The following CCDC141 variants were observed in gnomAD, a reference collection of about 807,000 sequenced individuals.
CCDC141 encodes the protein coiled-coil domain-containing protein 141.
A neutral mutation model predicts 181.0 loss-of-function variants in CCDC141; 168 were observed. The observed-to-expected ratio is 0.93, with a 90% CI of 0.82 to 1.05. The LOEUF is 1.05. Ranked by LOEUF, CCDC141 falls within the 50% of genes least tolerant of loss-of-function variation. The probability of loss-of-function intolerance (pLI) is 0.00; values close to 1 mark genes in which losing one functional copy is unlikely to be tolerated. For synonymous variants in CCDC141, 666 were observed against 642.3 expected (o/e 1.04, Z -0.56); for missense variants, 1,902 against 1,788.5 (o/e 1.06, Z -1.14).
At chr2:178,925,499 G>T (rs1688874445) in intron 6 of CCDC141, among the ~76,000 whole-genome samples, 2 of 152,190 alleles carry the variant, frequency 1.3e-5, no homozygotes, top group East Asian at 3.8e-4. Context: ...TCAAAATAGT[G>T]ATTGGAGCAC....
chr2:178,889,227 A>G (rs6755035), intron 8 of CCDC141, among the ~76,000 whole-genome samples: 1 of 151,984 alleles, frequency 6.6e-6, no homozygotes, highest in Admixed American at 6.6e-5. Flanking sequence ...AAAAGAAGCC[A>G]TGCCTCACAT....
rs138277953 is a variant in CCDC141 at position 178,995,190 on chromosome 2, T to G, written c.226-16515A>C. Among the ~76,000 whole-genome samples the G allele has an allele frequency of 3.3e-3, 497 of 152,304 alleles. 3 individuals are homozygous for G. Among genetic ancestry groups the G allele is most frequent in the Non-Finnish European group, 5.0e-3 (340 of 68,028 alleles). On this transcript the variant is annotated intron_variant, in intron 2 of 23. Coordinates refer to ENST00000443758, the MANE Select transcript of CCDC141 (RefSeq NM_173648.4). ...TTCATGCTGCTGATTAAGACATAAC[T>G]GAGACAGGGAAATTTAAAAGAGATT...
rs1381395678 is a variant in CCDC141, at chr2:178,837,537, C to T, written c.3682G>A (p.Ala1228Thr). Residue 1228 changes from alanine to threonine, a missense_variant, in exon 23 of 24, where the codon GCA becomes ACA. Transcript: ENST00000443758. ...TCTTCCACCTCCATGTCAGATGGTG[C>T]AAGAGGGGACTCAGGGCTTCCTGGG... ...PLPGSPESPL[A>T]PSDMEVEEPV... is the part of the protein sequence containing the mutation. 1 of 1,613,738 alleles carries T rather than the reference C, an allele frequency of 6.2e-7. No homozygotes were observed. Among genetic ancestry groups the T allele is most frequent in the Non-Finnish European group, 8.5e-7 (1 of 1,179,912 alleles).
intron 2 of CCDC141, among the ~76,000 whole-genome samples, chr2:179,028,360 T>C (rs922141373): frequency 1.3e-5 from 2 of 152,238 alleles, no homozygotes; most frequent in Non-Finnish European, 2.9e-5. Context: ...ATCTCTCCCA[T>C]ACTAACAAAA....
chr2:178,867,998 C>A, intron 16 of CCDC141, 28 bp downstream of exon 16: 1 of 1,568,684 alleles, frequency 6.4e-7, no homozygotes, highest in Non-Finnish European at 8.7e-7. Flanking sequence ...AGAACTGAGT[C>A]TAAATGATAG....
chr2:178,825,051 T>C (rs1276136859), downstream of CCDC141, among the ~76,000 whole-genome samples: 1 of 152,176 alleles, frequency 6.6e-6, no homozygotes, highest in Non-Finnish European at 1.5e-5. Context: ...TTAATGTAAA[T>C]GAAGAAAATA....
At chr2:178,984,307 T>C (rs1265894535) in intron 2 of CCDC141, among the ~76,000 whole-genome samples, 1 of 150,606 alleles carries the variant, frequency 6.6e-6, no homozygotes, top group Non-Finnish European at 1.5e-5. Flanking sequence ...AAAGAGCTCC[T>C]GAAGGAAGCA....
At chr2:179,002,945 ATAG>A (rs1242308091) in intron 2 of CCDC141, among the ~76,000 whole-genome samples, 1 of 152,194 alleles carries the variant, frequency 6.6e-6, no homozygotes, top group African/African-American at 2.4e-5. Context: ...TGAACTCAAA[ATAG>A]TTATAAAAGC....
At chr2:178,915,483 A>G (rs1688405198) in intron 7 of CCDC141, among the ~76,000 whole-genome samples, 1 of 152,252 alleles carries the variant, frequency 6.6e-6, no homozygotes, top group Non-Finnish European at 1.5e-5. Flanking sequence ...TTAGTATTTG[A>G]CATAGAAATT....
intron 21 of CCDC141, among the ~76,000 whole-genome samples, chr2:178,849,473 A>G (rs1474348870): frequency 6.6e-6 from 1 of 152,214 alleles, no homozygotes; most frequent in African/African-American, 2.4e-5. Flanking sequence ...GCATTAATCA[A>G]ACCAGTTTTT....
the CCDC141 span, among the ~76,000 whole-genome samples, chr2:178,824,452 A>G: frequency 6.6e-6 from 1 of 151,986 alleles, no homozygotes; most frequent in Non-Finnish European, 1.5e-5. Context: ...GAGAAACACC[A>G]TCTCTATTAA....
Position 178,869,043 on chromosome 2 carries a change from T to A in CCDC141, c.2394+74A>T. The A allele has an allele frequency of 2.6e-6, 3 of 1,137,524 alleles. No homozygotes were observed. In the South Asian group the frequency reaches 7.3e-5, roughly 28 times the overall value. The allele number at this position is 1,137,524 out of a possible 1,614,324, so 70.5% of individuals were successfully genotyped here. On this transcript the variant is annotated intron_variant, in intron 15 of 23. Coordinates refer to ENST00000443758, the MANE Select transcript of CCDC141 (RefSeq NM_173648.4). The stretch of plus-strand genomic sequence containing the variant: ...TAGAAGACACAATTTGGCCTTTATT[T>A]ATTATATAATAATTCATTTTTAATT...
intron 22 of CCDC141, among the ~76,000 whole-genome samples, chr2:178,841,483 T>G (rs1386327449): frequency 6.6e-6 from 1 of 152,222 alleles, no homozygotes; most frequent in Admixed American, 6.5e-5. Context: ...CACTACTGCT[T>G]TTATTCTTAA....
chr2:178,816,438 C>T, the CCDC141 span, among the ~76,000 whole-genome samples: 1 of 152,144 alleles, frequency 6.6e-6, no homozygotes, highest in Non-Finnish European at 1.5e-5. Context: ...TATCCATTCA[C>T]CTATTAAAGG....
chr2:178,904,611 G>A (rs543160433), intron 8 of CCDC141, among the ~76,000 whole-genome samples: 1 of 152,266 alleles, frequency 6.6e-6, no homozygotes, highest in East Asian at 1.9e-4. Context: ...TGTGAAAAAT[G>A]TAAGCCCTGC....
chr2:179,032,647 C>T (rs1182343906), intron 2 of CCDC141, among the ~76,000 whole-genome samples: 4 of 152,152 alleles, frequency 2.6e-5, no homozygotes, highest in East Asian at 1.9e-4. Flanking sequence ...ATCTATCTGC[C>T]GGCATTAACT....
At chr2:178,815,610 C>A in the CCDC141 span, among the ~76,000 whole-genome samples, 5 of 152,098 alleles carry the variant, frequency 3.3e-5, no homozygotes, top group Admixed American at 2.0e-4. Flanking sequence ...ACCCCCTAAC[C>A]CCCAGCGGAT....
Position 178,903,613 on chromosome 2 carries a change from G to C in CCDC141, c.1265+1716C>G, listed in dbSNP as rs189111442. Among the ~76,000 whole-genome samples, 430 of 107,356 alleles carry C rather than the reference G, an allele frequency of 4.0e-3. 7 individuals are homozygous for C. The highest frequency in any genetic ancestry group is 0.014 in the African/African-American group (398 of 28,078). The allele number at this position is 107,356 out of a possible 152,430, so 70.4% of individuals were successfully genotyped here. ...ACACTCTGGGGACTGTTGTGGGGTG[G>C]GGGGAGGGGGGAGGGATAGCTTTAG... is the stretch of plus-strand genomic sequence containing the variant. On this transcript the variant is annotated intron_variant, in intron 8 of 23. Transcript: ENST00000443758.
intron 2 of CCDC141, among the ~76,000 whole-genome samples, chr2:179,023,564 A>G (rs1441335535): frequency 1.3e-5 from 2 of 152,264 alleles, no homozygotes; most frequent in African/African-American, 4.8e-5. Context: ...ATCATGCAAT[A>G]AAAGTCCACT....
Sources: allele counts gnomAD v4.1 joint callset (sites outside exome capture counted in the v4.1 genomes callset), GRCh38; gene constraint gnomAD v4.1.1; transcripts MANE v1.5; gene names NCBI Gene and HGNC (gene_info 2026-07-23, HGNC 2026-07-21).